Variants in SAMD11 observed in about 807,000 individuals in gnomAD.
SAMD11 encodes sterile alpha motif domain containing 11, also known as sterile alpha motif domain-containing protein 11.
In SAMD11, 77 loss-of-function variants were observed where a neutral mutation model predicts 64.4. That is an observed-to-expected ratio of 1.20 (90% CI 0.99 to 1.44). The LOEUF is 1.44. Among genes scored for constraint, SAMD11 ranks in the 40% most tolerant of loss-of-function variants. SAMD11 has a pLI of 0.00. For synonymous variants in SAMD11, 658 were observed against 421.9 expected (o/e 1.56, Z -6.86); for missense variants, 1,402 against 943.3 (o/e 1.49, Z -6.37).
In SAMD11 at chr1:942,735, G is replaced by A; in HGVS notation, c.1730G>A (p.Gly577Glu). 2 of 1,476,104 alleles carry A rather than the reference G, an allele frequency of 1.4e-6. No individual in the cohort carries two copies. Among genetic ancestry groups the A allele is most frequent in the East Asian group, 2.7e-5 (1 of 36,784 alleles). The allele number at this position is 1,476,104 out of a possible 1,614,324, so 91.4% of individuals were successfully genotyped here. The change falls in exon 11 of 14, where the codon GGG becomes GAG. Residue 577 changes from glycine (G) to glutamate (E), a missense_variant. Physicochemically the swap from Gly to Glu is moderately conservative, Grantham distance 98 (BLOSUM62 -2). Transcript: ENST00000616016. ...CCACTGCTGGCCCTGCCCCCCCAGG[G>A]GCCCCCGGGCTCCGGACCCCCCACC... is the stretch of plus-strand genomic sequence containing the variant. ...AAPLLALPPQ[G>E]PPGSGPPTPS...
At chr1:941,620 G>A (rs1641771267) in intron 8 of SAMD11, among the ~76,000 whole-genome samples, 1 of 152,128 alleles carries the variant, frequency 6.6e-6, no homozygotes, top group African/African-American at 2.4e-5. Flanking sequence ...AGGCGGAGGG[G>A]GGGTCCTGGC....
intron 7 of SAMD11, among the ~76,000 whole-genome samples, chr1:939,936 G>A (rs1641658376): frequency 6.6e-6 from 1 of 152,056 alleles, no homozygotes; most frequent in Non-Finnish European, 1.5e-5. Context: ...CCCCGGGTCG[G>A]CCCTGACCCT....
intron 2 of SAMD11, among the ~76,000 whole-genome samples, chr1:929,757 G>A (rs1047934306): frequency 3.3e-5 from 5 of 152,232 alleles, no homozygotes; most frequent in Non-Finnish European, 5.9e-5. Flanking sequence ...GAGGCCTGTC[G>A]CACATGGGGT....
At chr1:935,574 G>A (rs568592653) in intron 4 of SAMD11, among the ~76,000 whole-genome samples, 198 bp from the exon 5 acceptor site, 6 of 152,320 alleles carry the variant, frequency 3.9e-5, no homozygotes, top group Non-Finnish European at 8.8e-5. Context: ...GCCAGGTTCT[G>A]TGTCGCTTTG....
intron 2 of SAMD11, among the ~76,000 whole-genome samples, chr1:929,694 G>A (rs376284514): frequency 6.6e-5 from 10 of 152,204 alleles, no homozygotes; most frequent in Non-Finnish European, 1.0e-4. Flanking sequence ...CAGGAGACAC[G>A]CAGGGGCCCT....
chr1:941,475 G>A (rs761893916), intron 8 of SAMD11, among the ~76,000 whole-genome samples, 169 bp downstream of exon 8: 4 of 152,040 alleles, frequency 2.6e-5, no homozygotes, highest in East Asian at 1.9e-4. Context: ...CAGTGTTGAG[G>A]GCGCCACTGG....
At chr1:925,685 G>GC in intron 1 of SAMD11, 1 of 452,908 alleles carries the variant, frequency 2.2e-6, no homozygotes, top group South Asian at 2.4e-5. Context: ...GGGTGGGGAC[G>GC]CCCAGGCCCT....
At chr1:927,017 G>A (rs1440353792) in intron 2 of SAMD11, among the ~76,000 whole-genome samples, 3 of 152,152 alleles carry the variant, frequency 2.0e-5, no homozygotes, top group Admixed American at 1.3e-4. Context: ...GGAGCTGGGC[G>A]GCTGCAGACA....
In SAMD11 at chr1:944,526, C is replaced by A; in HGVS notation, c.*373C>A. On this transcript the variant is annotated 3_prime_UTR_variant, in exon 14 of 14. Transcript: ENST00000616016. ...GCCACACCAGCCCAGCCCAGCCCAG[C>A]TCTCGATACGTTTGGTCTTTCATGC... is the stretch of plus-strand genomic sequence containing the variant. 1 of 626,324 alleles carries A rather than the reference C, an allele frequency of 1.6e-6. No homozygotes were observed. Among genetic ancestry groups the A allele is most frequent in the Non-Finnish European group, 2.7e-6 (1 of 371,076 alleles). The allele number at this position is 626,324 out of a possible 1,614,324, so 38.8% of individuals were successfully genotyped here.
At position 943,012 on chromosome 1, in the gene SAMD11, A is replaced by G; in HGVS notation, c.2007A>G (p.Thr669=). The change falls in exon 11 of 14, where the codon ACA becomes ACG. Residue 669 remains threonine (T), a synonymous_variant. Coordinates refer to ENST00000616016, the MANE Select transcript of SAMD11 (RefSeq NM_001385641.1). ...GGAAGGGGCTTTTCCCAGGGTCCAC[A>G]CTGCCCCTGGGCTTCCCTTATGCCG... The part of the protein sequence containing the change: ...AEGKGLFPGS[T]LPLGFPYAVS... 1.3e-6 allele frequency: 2 copies of G among 1,539,102 alleles called. No homozygotes were observed. The highest frequency in any genetic ancestry group is 1.7e-6 in the Non-Finnish European group (2 of 1,146,214).
At chr1:934,962 G>GT (rs373237866) in intron 4 of SAMD11, among the ~76,000 whole-genome samples, 10 of 147,990 alleles carry the variant, frequency 6.8e-5, no homozygotes, top group African/African-American at 2.6e-4. Flanking sequence ...AGGTGGGCGG[G>GT]CGGTGCTGCA....
Position 944,541 on chromosome 1 carries a change from G to GTCTT in SAMD11, c.*391_*394dup, listed in dbSNP as rs1318133859. On this transcript the variant is annotated 3_prime_UTR_variant, in exon 14 of 14. Transcript: ENST00000616016. ...CCCAGCCCAGCTCTCGATACGTTTG[G>GTCTT]TCTTTCATGCTGAAAAATAAATAAT... The GTCTT allele has an allele frequency of 1.4e-5, 9 of 626,116 alleles. No individual in the cohort carries two copies. The highest frequency in any genetic ancestry group is 1.1e-4 in the African/African-American group (6 of 53,568). 38.8% of individuals were successfully genotyped at this position (626,116 alleles called of 1,614,324 possible).
At chr1:932,327 G>A (rs1288163247) in intron 4 of SAMD11, among the ~76,000 whole-genome samples, 1 of 152,182 alleles carries the variant, frequency 6.6e-6, no homozygotes, top group Non-Finnish European at 1.5e-5. Context: ...GCCTGGCCTC[G>A]GGAATGCAGC....
intron 2 of SAMD11, among the ~76,000 whole-genome samples, chr1:928,208 A>T (rs548164092): frequency 0.014 from 2,018 of 149,140 alleles, 48 homozygotes; most frequent in African/African-American, 0.046. Context: ...CCTGACTAAC[A>T]CGGTGAAACC....
chr1:938,478 C>T (rs576929625), intron 5 of SAMD11, among the ~76,000 whole-genome samples: 261 of 152,260 alleles, frequency 1.7e-3, no homozygotes, highest in Non-Finnish European at 3.2e-3. Context: ...GAGAGGAGGA[C>T]GTGGGCCTTC....
In SAMD11 at chr1:944,451, G is replaced by C. The variant is rs1642025452; in HGVS notation, c.*298G>C. 1 of 886,810 alleles carries C rather than the reference G, an allele frequency of 1.1e-6. No homozygotes were observed. Among genetic ancestry groups the C allele is most frequent in the African/African-American group, 1.7e-5 (1 of 57,236 alleles). The allele number at this position is 886,810 out of a possible 1,614,324, so 54.9% of individuals were successfully genotyped here. A position where few individuals can be genotyped will look rare whatever the true frequency, so the allele number is the denominator to read the frequency against. Reference sequence around the variant, plus strand: ...TCTCGGTCTGCTGACGTCAGGGTCAGCTCCCCCGCGGAGCTGACTTCAGCA... The same window carrying C: ...TCTCGGTCTGCTGACGTCAGGGTCACCTCCCCCGCGGAGCTGACTTCAGCA... On this transcript the variant is annotated 3_prime_UTR_variant, in exon 14 of 14. Transcript: ENST00000616016.
At chr1:941,963 A>G (rs1641797941) in intron 8 of SAMD11, 173 bp from the exon 9 acceptor site, 1 of 362,384 alleles carries the variant, frequency 2.8e-6, no homozygotes, top group Admixed American at 4.7e-5. Context: ...CGCCGCCGAG[A>G]TTAATTGGCG....
intron 5 of SAMD11, among the ~76,000 whole-genome samples, chr1:937,102 C>A (rs1433992266): frequency 2.6e-5 from 4 of 152,166 alleles, no homozygotes; most frequent in African/African-American, 9.7e-5. Context: ...TCCAGGTCTC[C>A]CATACGCACT....
At position 943,923 on chromosome 1, in the gene SAMD11, G is replaced by T. The variant is rs1641988011; in HGVS notation, c.2305G>T (p.Gly769Cys). The change falls in exon 14 of 14, where the codon GGC (glycine) becomes TGC (cysteine). Residue 769 changes from glycine (G) to cysteine (C), a missense_variant. By Grantham distance (159) the Gly-to-Cys change is radical. Transcript: ENST00000616016. ...CTCTCTGCAGGTGGCCAGGCGCCTG[G>T]GCCGAGTTTTCTACGTGGCCAGCTT... ...KIRAQVARRLGRVFYVASFPV... is the reference protein window; with the variant it reads ...KIRAQVARRLCRVFYVASFPV... The T allele has an allele frequency of 6.2e-7, 1 of 1,612,676 alleles. No homozygotes were observed. Among genetic ancestry groups the T allele is most frequent in the Non-Finnish European group, 8.5e-7 (1 of 1,179,806 alleles).
Sources: gnomAD v4.1 joint callset for allele counts (sites outside exome capture counted in the v4.1 genomes callset) on GRCh38, gnomAD v4.1.1 for gene constraint, MANE v1.5 for transcripts, NCBI Gene and HGNC (gene_info 2026-07-23, HGNC 2026-07-21) for gene names.